SPAG16: variants seen among roughly 807,000 people sequenced by gnomAD.
SPAG16 encodes the protein sperm associated antigen 16.
A neutral mutation model predicts 80.4 loss-of-function variants in SPAG16; 86 were observed. That is an observed-to-expected ratio of 1.07 (90% CI 0.90 to 1.28). SPAG16 has a LOEUF of 1.28. Among genes scored for constraint, SPAG16 ranks in the 50% most tolerant of loss-of-function variants. The pLI is 0.00. For synonymous variants in SPAG16, 294 were observed against 265.9 expected (o/e 1.11, Z -1.03); for missense variants, 870 against 765.3 (o/e 1.14, Z -1.61).
At chr2:213,558,492 A>G (rs2059500703) in intron 10 of SPAG16, among the ~76,000 whole-genome samples, 1 of 151,602 alleles carries the variant, frequency 6.6e-6, no homozygotes, top group African/African-American at 2.4e-5. Flanking sequence ...TGTGTTAGTC[A>G]TGTACAGGGA....
rs775677969 is a variant in SPAG16, at chr2:213,340,247, CAAATT to C, written c.624_628del (p.Lys208AsnfsTer2). On this transcript the variant is annotated frameshift_variant, in exon 6 of 16. Transcript: ENST00000331683. LOFTEE classifies it high-confidence loss of function. The stretch of plus-strand genomic sequence containing the variant: ...ATAAGCGAATAGTCCAGGAAAAAAA[CAAATT>C]AATTAATGACCTCAAAGGGTAAGCT... 1.9e-6 allele frequency: 3 copies of C among 1,607,650 alleles called. No homozygotes were observed. The highest frequency in any genetic ancestry group is 2.2e-5 in the East Asian group (1 of 44,654).
intron 10 of SPAG16, among the ~76,000 whole-genome samples, chr2:213,680,031 G>A (rs1046302614): frequency 1.3e-5 from 2 of 152,044 alleles, no homozygotes; most frequent in Admixed American, 6.6e-5. Context: ...CCTAGCACAG[G>A]GAAAGAGGAT....
chr2:214,304,466 C>T (rs1694779000), intron 15 of SPAG16, among the ~76,000 whole-genome samples: 2 of 152,208 alleles, frequency 1.3e-5, no homozygotes, highest in Admixed American at 1.3e-4. Flanking sequence ...TCAACCTATC[C>T]CTTTATTTTG....
chr2:213,911,835 C>CAAAA (rs10644766), intron 11 of SPAG16, among the ~76,000 whole-genome samples: 1 of 126,140 alleles, frequency 7.9e-6, no homozygotes, highest in Admixed American at 8.2e-5. Flanking sequence ...AAACAGTTAG[C>CAAAA]AAAAAAAAAA....
rs2058126942 is a variant in SPAG16 at position 214,205,772 on chromosome 2, G to A, written c.1720+56506G>A. Among the ~76,000 whole-genome samples the A allele has an allele frequency of 3.3e-5, 5 of 152,086 alleles. 1 individual carries two copies. In the South Asian group the frequency reaches 8.3e-4, roughly 25 times the overall value. On this transcript the variant is annotated intron_variant, in intron 15 of 15. Transcript: ENST00000331683. Reference sequence around the variant, plus strand: ...ATTTATGGAATACATGTGATATTTTGATACATGCATATAATGTGTAGTAAT... The same window carrying A: ...ATTTATGGAATACATGTGATATTTTAATACATGCATATAATGTGTAGTAAT...
intron 15 of SPAG16, among the ~76,000 whole-genome samples, chr2:214,331,159 A>G (rs1696885845): frequency 6.6e-6 from 1 of 152,192 alleles, no homozygotes; most frequent in South Asian, 2.1e-4. Context: ...TTCAGGCTAC[A>G]GTAGCATTGC....
intron 9 of SPAG16, among the ~76,000 whole-genome samples, chr2:213,422,939 C>T (rs1392590746): frequency 1.3e-5 from 2 of 152,344 alleles, no homozygotes; most frequent in East Asian, 3.9e-4. Flanking sequence ...CTTTTCTCTT[C>T]CCTGCCCTAG....
intron 10 of SPAG16, among the ~76,000 whole-genome samples, chr2:213,660,303 C>T (rs1205805886): frequency 2.0e-5 from 3 of 150,352 alleles, no homozygotes; most frequent in Non-Finnish European, 4.4e-5. Flanking sequence ...CAGAGTCTCA[C>T]TTTGTTGCCA....
chr2:214,038,407 C>G (rs2048823410), intron 13 of SPAG16, among the ~76,000 whole-genome samples: 1 of 150,562 alleles, frequency 6.6e-6, no homozygotes, highest in Non-Finnish European at 1.5e-5. Flanking sequence ...ATAACACACA[C>G]TATGTAGCAT....
At chr2:214,130,193 G>A (rs1014452) in intron 14 of SPAG16, among the ~76,000 whole-genome samples, 18,523 of 152,198 alleles carry the variant, frequency 0.12, 1,382 homozygotes, top group East Asian at 0.29. Context: ...GCCCCAAACT[G>A]GAAGTCTCTA....
intron 9 of SPAG16, among the ~76,000 whole-genome samples, chr2:213,419,417 G>T (rs2069461128): frequency 6.6e-6 from 1 of 151,974 alleles, no homozygotes; most frequent in South Asian, 2.1e-4. Flanking sequence ...TGCTCATACA[G>T]AAGGTCATCT....
chr2:213,670,614 A>G (rs951987869), intron 10 of SPAG16, among the ~76,000 whole-genome samples: 1 of 152,086 alleles, frequency 6.6e-6, no homozygotes, highest in Non-Finnish European at 1.5e-5. Context: ...ATGTCTTAGG[A>G]AAAATAAAAG....
At chr2:213,807,036 T>C (rs2125655641) in intron 10 of SPAG16, among the ~76,000 whole-genome samples, 1 of 152,290 alleles carries the variant, frequency 6.6e-6, no homozygotes, top group Non-Finnish European at 1.5e-5. Flanking sequence ...CTTCCTTACA[T>C]CCCACTGACT....
chr2:213,548,975 T>C (rs189987344), intron 10 of SPAG16, among the ~76,000 whole-genome samples: 31 of 152,182 alleles, frequency 2.0e-4, no homozygotes, highest in Admixed American at 2.0e-3. Flanking sequence ...CTTTATTTTT[T>C]TTCCAGATGA....
chr2:213,624,099 A>G (rs1414027745), intron 10 of SPAG16, among the ~76,000 whole-genome samples: 1 of 152,100 alleles, frequency 6.6e-6, no homozygotes, highest in Non-Finnish European at 1.5e-5. Context: ...ATTCCTGACA[A>G]CCTGGTAGAA....
intron 10 of SPAG16, among the ~76,000 whole-genome samples, chr2:213,708,623 C>T (rs2065854400): frequency 6.6e-6 from 1 of 152,056 alleles, no homozygotes; most frequent in South Asian, 2.1e-4. Flanking sequence ...GAAACCCCTA[C>T]TAAAAATAGT....
At chr2:214,216,887 G>A (rs957587656) in intron 15 of SPAG16, among the ~76,000 whole-genome samples, 6 of 151,992 alleles carry the variant, frequency 3.9e-5, no homozygotes, top group African/African-American at 1.4e-4. Flanking sequence ...AAGGAAACTG[G>A]GCAGATAATG....
chr2:214,224,497 T>C (rs2058656056), intron 15 of SPAG16, among the ~76,000 whole-genome samples: 1 of 152,106 alleles, frequency 6.6e-6, no homozygotes, highest in African/African-American at 2.4e-5. Context: ...TTATAATAAG[T>C]TTGAAAAAGC....
intron 9 of SPAG16, among the ~76,000 whole-genome samples, chr2:213,394,792 G>C (rs1364065090): frequency 6.6e-6 from 1 of 152,180 alleles, no homozygotes; most frequent in Non-Finnish European, 1.5e-5. Flanking sequence ...TTAAATTGCT[G>C]AGTAGTTGTT....
Sources: gnomAD v4.1 joint callset for allele counts (sites outside exome capture counted in the v4.1 genomes callset) on GRCh38, gnomAD v4.1.1 for gene constraint, MANE v1.5 for transcripts, NCBI Gene and HGNC (gene_info 2026-07-23, HGNC 2026-07-21) for gene names.